The following TBL1XR1 variants were observed in gnomAD, a reference collection of about 807,000 sequenced individuals.
TBL1XR1 encodes the protein TBL1X/Y related 1, also known as F-box-like/WD repeat-containing protein TBL1XR1.
TBL1XR1 carries 5 observed loss-of-function variants against 66.9 expected under a neutral mutation model. The ratio of observed to expected loss-of-function variants is 0.07; its 90% CI spans 0.04 to 0.16. The LOEUF is 0.16. Among genes scored for constraint, TBL1XR1 ranks in the 10% least tolerant of loss-of-function variants. The probability of loss-of-function intolerance (pLI) is 1.00; values close to 1 mark genes in which losing one functional copy is unlikely to be tolerated. For missense variants in TBL1XR1, 238 were observed against 623.2 expected (o/e 0.38, Z 6.58); for synonymous variants, 210 against 206.0 (o/e 1.02, Z -0.17).
At chr3:177,028,208 G>T (rs1713431271) in intron 14 of TBL1XR1, among the ~76,000 whole-genome samples, 2 of 152,006 alleles carry the variant, frequency 1.3e-5, no homozygotes, top group South Asian at 4.1e-4. Context: ...CAAGAAAGGG[G>T]AAAACAAAAA....
intron 14 of TBL1XR1, among the ~76,000 whole-genome samples, chr3:177,028,242 G>T (rs1713436677): frequency 6.6e-6 from 1 of 152,054 alleles, no homozygotes; most frequent in Non-Finnish European, 1.5e-5. Context: ...TACAACAATA[G>T]GATAATGATT....
intron 1 of TBL1XR1, among the ~76,000 whole-genome samples, chr3:177,132,461 G>T (rs1257973281): frequency 6.6e-6 from 1 of 152,182 alleles, no homozygotes; most frequent in Non-Finnish European, 1.5e-5. Flanking sequence ...ATAAACCACA[G>T]ATTGATGAGC....
intron 1 of TBL1XR1, among the ~76,000 whole-genome samples, chr3:177,121,750 T>C (rs1319087637): frequency 6.6e-6 from 1 of 152,198 alleles, no homozygotes; most frequent in African/African-American, 2.4e-5. Context: ...AGGCTGTTCC[T>C]TGTGAGGTTT....
intron 5 of TBL1XR1, 131 bp downstream of exon 5, chr3:177,051,373 A>G: frequency 1.3e-6 from 1 of 759,046 alleles, no homozygotes; most frequent in Non-Finnish European, 2.1e-6. Context: ...GTGATGAAAT[A>G]GTCTGTACAA....
intron 1 of TBL1XR1, among the ~76,000 whole-genome samples, chr3:177,172,538 G>A (rs200568503): frequency 1.0e-4 from 15 of 148,326 alleles, no homozygotes; most frequent in South Asian, 6.5e-4. Flanking sequence ...CAGGAGGATC[G>A]CATGAGCCCA....
upstream of TBL1XR1, among the ~76,000 whole-genome samples, chr3:177,198,367 A>C (rs1655053684): frequency 6.6e-6 from 1 of 152,200 alleles, no homozygotes; most frequent in Non-Finnish European, 1.5e-5. Flanking sequence ...TATTTCACAA[A>C]AATAAAATAA....
intron 1 of TBL1XR1, among the ~76,000 whole-genome samples, chr3:177,152,227 T>A (rs375849444): frequency 6.6e-6 from 1 of 152,210 alleles, no homozygotes; most frequent in African/African-American, 2.4e-5. Context: ...CCTTTTAAGT[T>A]GCTACATTCA....
At chr3:177,115,787 T>C (rs888714635) in intron 1 of TBL1XR1, among the ~76,000 whole-genome samples, 1 of 152,236 alleles carries the variant, frequency 6.6e-6, no homozygotes, top group African/African-American at 2.4e-5. Flanking sequence ...TAATTAACTA[T>C]TCATTTAACA....
At chr3:177,106,483 T>G (rs1243650690) in intron 1 of TBL1XR1, among the ~76,000 whole-genome samples, 1 of 152,046 alleles carries the variant, frequency 6.6e-6, no homozygotes, top group Non-Finnish European at 1.5e-5. Context: ...CAAAATAAAT[T>G]ACAAAAAGGA....
intron 2 of TBL1XR1, among the ~76,000 whole-genome samples, chr3:177,073,925 T>C (rs1577084739): frequency 6.6e-6 from 1 of 152,290 alleles, no homozygotes; most frequent in East Asian, 1.9e-4. Flanking sequence ...TAACCAAAAC[T>C]TGAAACTAGT....
At chr3:177,049,194 T>C (rs893383718) in intron 7 of TBL1XR1, among the ~76,000 whole-genome samples, 2 of 152,278 alleles carry the variant, frequency 1.3e-5, no homozygotes, top group South Asian at 2.1e-4. Flanking sequence ...GGGAAAAGAA[T>C]TGGAAGATCC....
At chr3:177,073,519 TTC>T (rs755311769) in intron 2 of TBL1XR1, among the ~76,000 whole-genome samples, 51 of 152,218 alleles carry the variant, frequency 3.4e-4, no homozygotes, top group Admixed American at 1.9e-3. Flanking sequence ...ATTATAAATT[TTC>T]TGAGACTACA....
chr3:177,053,765 T>G lies in TBL1XR1; in HGVS notation c.204+8A>C. ...AAAAAATCAGTATTTGAAATAAGTC[T>G]TCCTTACCTCATTAATACTAACTTC... On this transcript the variant is annotated splice_region_variant and intron_variant, in intron 4 of 15. Transcript: ENST00000457928. The G allele has an allele frequency of 6.2e-7, 1 of 1,609,982 alleles. No individual in the cohort carries two copies. The highest frequency in any genetic ancestry group is 2.2e-5 in the East Asian group (1 of 44,830).
intron 2 of TBL1XR1, among the ~76,000 whole-genome samples, chr3:177,074,582 G>A (rs1056404619): frequency 1.3e-5 from 2 of 152,010 alleles, no homozygotes; most frequent in African/African-American, 2.4e-5. Flanking sequence ...ACCTTCTCGT[G>A]AGCCTGAAAT....
chr3:177,122,832 CA>C (rs1305878049), intron 1 of TBL1XR1, among the ~76,000 whole-genome samples: 1 of 152,050 alleles, frequency 6.6e-6, no homozygotes, highest in Non-Finnish European at 1.5e-5. Context: ...TGAGCATCAA[CA>C]GTATCTTTAT....
intron 1 of TBL1XR1, among the ~76,000 whole-genome samples, chr3:177,134,957 GTGTGTGTGTC>G (rs753721265): frequency 0.038 from 5,253 of 139,304 alleles, 302 homozygotes; most frequent in African/African-American, 0.13. Flanking sequence ...GTGTGTGTGT[GTGTGTGTGTC>G]TGTGTGTGTG....
chr3:177,089,762 C>T (rs913620567), intron 2 of TBL1XR1, among the ~76,000 whole-genome samples: 1 of 152,096 alleles, frequency 6.6e-6, no homozygotes, highest in Admixed American at 6.5e-5. Context: ...GGGGATTGAT[C>T]GACACAGTTG....
At chr3:177,109,388 G>A (rs930951342) in intron 1 of TBL1XR1, among the ~76,000 whole-genome samples, 2 of 152,058 alleles carry the variant, frequency 1.3e-5, no homozygotes, top group African/African-American at 4.8e-5. Context: ...GTAATTTAAA[G>A]CCTATGTTTA....
intron 3 of TBL1XR1, among the ~76,000 whole-genome samples, chr3:177,061,868 T>C (rs536019285): frequency 3.9e-5 from 6 of 152,314 alleles, no homozygotes; most frequent in South Asian, 4.1e-4. Context: ...TTAGGACCTA[T>C]TGCAAAAGTA....
Sources: allele counts gnomAD v4.1 joint callset (sites outside exome capture counted in the v4.1 genomes callset), GRCh38; gene constraint gnomAD v4.1.1; transcripts MANE v1.5; gene names NCBI Gene and HGNC (gene_info 2026-07-23, HGNC 2026-07-21).